The following ASMTL variants were observed in gnomAD, a reference collection of about 807,000 sequenced individuals.
The protein encoded by ASMTL is probable bifunctional dTTP/UTP pyrophosphatase/methyltransferase protein.
Under a neutral mutation model 60.3 loss-of-function variants are expected in ASMTL, and 57 were observed. The observed-to-expected ratio is 0.95, with a 90% confidence interval of 0.76 to 1.18. The LOEUF (loss-of-function observed/expected upper bound fraction) is 1.18, where lower values mean the gene tolerates loss of function less well. Ranked by LOEUF, ASMTL falls within the 50% of genes most tolerant of loss-of-function variation. The pLI, the probability that ASMTL is intolerant of heterozygous loss-of-function variation, is 0.00. For missense variants in ASMTL, 981 were observed against 852.6 expected (o/e 1.15, Z -1.88); for synonymous variants, 419 against 373.0 (o/e 1.12, Z -1.42).
intron 12 of ASMTL, among the ~76,000 whole-genome samples, chrX:1,405,362 A>T (rs1310225137): frequency 6.7e-6 from 1 of 150,164 alleles, no homozygotes; most frequent in East Asian, 2.0e-4. Flanking sequence ...GGCATGGATG[A>T]GATGGATGGA....
At chrX:1,421,275 A>AT (rs1258576890) in intron 9 of ASMTL, among the ~76,000 whole-genome samples, 9 of 151,672 alleles carry the variant, frequency 5.9e-5, no homozygotes, top group Non-Finnish European at 1.3e-4. Flanking sequence ...CTAACTGTTA[A>AT]TTTTTTGTAG....
intron 3 of ASMTL, among the ~76,000 whole-genome samples, chrX:1,436,311 A>C (rs28502464): frequency 0.19 from 28,229 of 149,146 alleles, 3,383 homozygotes; most frequent in African/African-American, 0.36. Context: ...GTTGCTGGGA[A>C]TACAGGTGCA....
chrX:1,425,477 C>T (rs2090590960), intron 8 of ASMTL, 48 bp downstream of exon 8: 1 of 1,591,034 alleles, frequency 6.3e-7, no homozygotes, highest in Non-Finnish European at 8.6e-7. Context: ...CCCTCAGTGA[C>T]TTCCACCTGC....
intron 11 of ASMTL, among the ~76,000 whole-genome samples, chrX:1,413,349 G>GGCA (rs1467684402): frequency 1.2e-5 from 1 of 81,942 alleles, no homozygotes; most frequent in Non-Finnish European, 2.9e-5. Flanking sequence ...GCGACAAGAA[G>GGCA]GCAAGGGAGG....
At chrX:1,414,115 C>T (rs2090146330) in intron 11 of ASMTL, 1 of 151,020 alleles carries the variant, frequency 6.6e-6, no homozygotes. Context: ...AGGAGACACA[C>T]AGAGGAGAAG....
chrX:1,437,396 C>T (rs185963086), intron 3 of ASMTL, among the ~76,000 whole-genome samples: 4 of 146,656 alleles, frequency 2.7e-5, no homozygotes, highest in Admixed American at 1.4e-4. Context: ...TTCCATAATC[C>T]TGGAGTCTGG....
intron 12 of ASMTL, among the ~76,000 whole-genome samples, chrX:1,405,979 GATGA>G (rs2089816433): frequency 6.6e-6 from 1 of 151,702 alleles, no homozygotes; most frequent in South Asian, 2.1e-4. Context: ...TACGTAGATA[GATGA>G]ATGGATGGAT....
At chrX:1,447,165 C>G (rs1285464524) in intron 1 of ASMTL, among the ~76,000 whole-genome samples, 1 of 152,164 alleles carries the variant, frequency 6.6e-6, no homozygotes, top group South Asian at 2.1e-4. Flanking sequence ...TTTGGTGACC[C>G]GTAATAACCA....
chrX:1,429,035 G>A (rs1241660033), intron 6 of ASMTL, among the ~76,000 whole-genome samples: 1 of 151,234 alleles, frequency 6.6e-6, no homozygotes, highest in Non-Finnish European at 1.5e-5. Flanking sequence ...TAGCTGGGAT[G>A]ACAGGCACCT....
upstream of ASMTL, chrX:1,452,914 A>G: frequency 1.6e-6 from 2 of 1,236,160 alleles, no homozygotes; most frequent in Non-Finnish European, 2.2e-6. Flanking sequence ...CGGCTGCAAA[A>G]AAAACAGGCG....
chrX:1,432,704 C>A (rs768711298), intron 5 of ASMTL, among the ~76,000 whole-genome samples: 2 of 152,096 alleles, frequency 1.3e-5, no homozygotes, highest in Non-Finnish European at 2.9e-5. Context: ...TAGTAGGTGC[C>A]TGTAGTCCCA....
chrX:1,423,624 C>G (rs2090533916), intron 8 of ASMTL, among the ~76,000 whole-genome samples: 1 of 151,312 alleles, frequency 6.6e-6, no homozygotes, highest in Admixed American at 6.6e-5. Context: ...GCTGATCCAC[C>G]CATTCATCAC....
chrX:1,405,571 A>G (rs1165810869), intron 12 of ASMTL, among the ~76,000 whole-genome samples: 2 of 150,554 alleles, frequency 1.3e-5, no homozygotes, highest in Non-Finnish European at 3.0e-5. Context: ...GGATGCATGC[A>G]TGAGATGGAT....
At chrX:1,438,207 C>T (rs28607525) in intron 3 of ASMTL, among the ~76,000 whole-genome samples, 27 of 151,526 alleles carry the variant, frequency 1.8e-4, no homozygotes, top group African/African-American at 5.6e-4. Flanking sequence ...CGCTTGAACC[C>T]GGGAGGCGGA....
rs1246526647 is a variant in ASMTL, at chrX:1,443,296, GCCATCTTGGACACACA to G, written c.94-995_94-980del. 4.0e-3 allele frequency among the ~76,000 whole-genome samples: 48 copies of G among 11,938 alleles called. 2 individuals carry two copies. The highest frequency in any genetic ancestry group is 9.6e-3 in the Admixed American group (6 of 622). The allele number at this position is 11,938 out of a possible 152,430, so 7.8% of individuals were successfully genotyped here. A position where few individuals can be genotyped will look rare whatever the true frequency, so the allele number is the denominator to read the frequency against. Reference sequence around the variant, plus strand: ...CACACCGCCATCATGGACACACACCGCCATCTTGGACACACACCGCCATCTTGGACACACACCGCCA... The same window carrying G: ...CACACCGCCATCATGGACACACACCGCCGCCATCTTGGACACACACCGCCA... On this transcript the variant is annotated intron_variant, in intron 1 of 12. Coordinates refer to ENST00000381317, the MANE Select transcript of ASMTL (RefSeq NM_004192.4).
chrX:1,426,445 G>A (rs1317066851), intron 7 of ASMTL, among the ~76,000 whole-genome samples: 13 of 152,138 alleles, frequency 8.5e-5, no homozygotes, highest in East Asian at 1.9e-4. Flanking sequence ...TCCTGCACCC[G>A]ACATCCCCAC....
chrX:1,403,442 C>G lies in ASMTL; in HGVS notation c.1693G>C (p.Val565Leu). The change falls in exon 13 of 13, where the codon GTG becomes CTG. Residue 565 changes from valine to leucine, a missense_variant. Physicochemically the swap from Val to Leu is conservative, Grantham distance 32. Coordinates refer to ENST00000381317, the MANE Select transcript of ASMTL (RefSeq NM_004192.4). ...VETLLDEEKR[V>L]AQRALMQSLN... ...GACTGCATCAGGGCGCGCTGCGCCACCCTCTTCTCCTCATCCAGGAGCGTC... is the reference window on the plus strand; with the variant it reads ...GACTGCATCAGGGCGCGCTGCGCCAGCCTCTTCTCCTCATCCAGGAGCGTC... 6.2e-7 allele frequency: 1 copy of G among 1,613,244 alleles called. No homozygotes were observed. Among genetic ancestry groups the G allele is most frequent in the Non-Finnish European group, 8.5e-7 (1 of 1,179,856 alleles).
chrX:1,444,246 C>T lies in ASMTL; in HGVS notation c.94-1929G>A, dbSNP rs192233988. Among the ~76,000 whole-genome samples the T allele has an allele frequency of 2.3e-3, 334 of 148,100 alleles. 4 individuals are homozygous for T. The highest frequency in any genetic ancestry group is 7.8e-3 in the African/African-American group (314 of 40,010). The stretch of plus-strand genomic sequence containing the variant: ...TTTTTGAAACGGAGTCTCGCTGTGT[C>T]GCCCAGGCTGGAGGGGCAGTGATGC... On this transcript the variant is annotated intron_variant, in intron 1 of 12. Transcript: ENST00000381317.
chrX:1,403,359 G>A lies in ASMTL; in HGVS notation c.1776C>T (p.Cys592=). 3 of 1,613,442 alleles carry A rather than the reference G, an allele frequency of 1.9e-6. No homozygotes were observed. Among genetic ancestry groups the A allele is most frequent in the Non-Finnish European group, 2.5e-6 (3 of 1,179,868 alleles). The change falls in exon 13 of 13, where the codon TGC becomes TGT. Residue 592 remains cysteine (C), a synonymous_variant. Transcript: ENST00000381317. Reference sequence around the variant, plus strand: ...GGTGGAAGCCGTGCAGCTCCAGCAAGCACTGATACTCGCCCAGGCTCCGCT... The same window carrying A: ...GGTGGAAGCCGTGCAGCTCCAGCAAACACTGATACTCGCCCAGGCTCCGCT... The part of the protein sequence containing the change: ...GKERSLGEYQ[C]LLELHGFHQV...
Sources: gnomAD v4.1 joint callset for allele counts (sites outside exome capture counted in the v4.1 genomes callset) on GRCh38, gnomAD v4.1.1 for gene constraint, MANE v1.5 for transcripts, NCBI Gene and HGNC (gene_info 2026-07-23, HGNC 2026-07-21) for gene names.